CCSER1: variants seen among roughly 807,000 people sequenced by gnomAD.
CCSER1 encodes coiled-coil serine rich protein 1, also known as serine-rich coiled-coil domain-containing protein 1.
Under a neutral mutation model 82.0 loss-of-function variants are expected in CCSER1, and 41 were observed. That is an observed-to-expected ratio of 0.50 (90% CI 0.39 to 0.65). The LOEUF (loss-of-function observed/expected upper bound fraction) is 0.65, where lower values mean the gene tolerates loss of function less well. Ranked by LOEUF, CCSER1 falls within the 30% of genes least tolerant of loss-of-function variation. The probability of loss-of-function intolerance (pLI) is 0.00; values close to 1 mark genes in which losing one functional copy is unlikely to be tolerated. For missense variants in CCSER1, 1,119 were observed against 1,064.2 expected (o/e 1.05, Z -0.72); for synonymous variants, 414 against 383.9 (o/e 1.08, Z -0.92).
At chr4:91,576,901 T>C (rs1763478021) in intron 10 of CCSER1, among the ~76,000 whole-genome samples, 1 of 151,970 alleles carries the variant, frequency 6.6e-6, no homozygotes, top group Admixed American at 6.6e-5. Flanking sequence ...AGGTGATGGA[T>C]ATAATCATTG....
intron 5 of CCSER1, among the ~76,000 whole-genome samples, chr4:90,470,496 G>A (rs950606599): frequency 6.6e-6 from 1 of 151,732 alleles, no homozygotes; most frequent in African/African-American, 2.4e-5. Flanking sequence ...AAAGAATCAA[G>A]AGTGCTGGTG....
chr4:91,454,349 C>T (rs1415999517), intron 10 of CCSER1, among the ~76,000 whole-genome samples: 1 of 151,988 alleles, frequency 6.6e-6, no homozygotes, highest in Admixed American at 6.6e-5. Context: ...CTCGTGACCC[C>T]TTCCCCCATC....
chr4:90,564,342 A>G (rs1779128875), intron 5 of CCSER1, among the ~76,000 whole-genome samples: 1 of 152,136 alleles, frequency 6.6e-6, no homozygotes, highest in Non-Finnish European at 1.5e-5. Flanking sequence ...GGCATGAGCC[A>G]CCACACCCAG....
At chr4:91,322,111 A>G (rs1231207622) in intron 10 of CCSER1, among the ~76,000 whole-genome samples, 2 of 152,136 alleles carry the variant, frequency 1.3e-5, no homozygotes, top group Admixed American at 6.6e-5. Context: ...TATAGGAAAA[A>G]CAATGCTTTC....
intron 10 of CCSER1, among the ~76,000 whole-genome samples, chr4:91,343,046 T>A (rs1344374797): frequency 3.3e-5 from 5 of 152,098 alleles, no homozygotes; most frequent in African/African-American, 1.2e-4. Context: ...TTGAAGTGGT[T>A]GAAATCTGTG....
chr4:91,238,825 A>G (rs1012130058), intron 10 of CCSER1, among the ~76,000 whole-genome samples: 3 of 142,732 alleles, frequency 2.1e-5, no homozygotes, highest in African/African-American at 7.5e-5. Flanking sequence ...TACTATTTTA[A>G]GCATTTTTTT....
chr4:90,736,982 G>A (rs1342059623), intron 7 of CCSER1, among the ~76,000 whole-genome samples: 1 of 151,980 alleles, frequency 6.6e-6, no homozygotes, highest in African/African-American at 2.4e-5. Context: ...AACAAGTACA[G>A]AGAAAACTAT....
chr4:90,297,022 C>A (rs1175120697), intron 1 of CCSER1, among the ~76,000 whole-genome samples: 1 of 152,080 alleles, frequency 6.6e-6, no homozygotes, highest in African/African-American at 2.4e-5. Flanking sequence ...TTTTCCAATT[C>A]TGTGAAGAAA....
chr4:91,461,725 G>C (rs1756512104), intron 10 of CCSER1, among the ~76,000 whole-genome samples: 1 of 152,138 alleles, frequency 6.6e-6, no homozygotes. Flanking sequence ...AGAGATTTTA[G>C]TTTGTTTATT....
At chr4:90,635,798 A>G (rs186268016) in intron 6 of CCSER1, among the ~76,000 whole-genome samples, 3 of 151,836 alleles carry the variant, frequency 2.0e-5, no homozygotes, top group African/African-American at 7.2e-5. Flanking sequence ...GAAAAGATAC[A>G]TGTTTGAGGT....
chr4:90,894,578 C>G (rs960213246), intron 8 of CCSER1, among the ~76,000 whole-genome samples: 2 of 152,006 alleles, frequency 1.3e-5, no homozygotes, highest in African/African-American at 2.4e-5. Flanking sequence ...TATCCTCTCT[C>G]TACTCTGCCT....
At chr4:90,133,700 T>C (rs1179052746) in intron 1 of CCSER1, among the ~76,000 whole-genome samples, 1 of 152,180 alleles carries the variant, frequency 6.6e-6, no homozygotes, top group African/African-American at 2.4e-5. Flanking sequence ...GGGATACCTT[T>C]CTTGGCCTTG....
chr4:91,079,499 G>T (rs977643721), intron 9 of CCSER1, among the ~76,000 whole-genome samples: 1 of 152,166 alleles, frequency 6.6e-6, no homozygotes, highest in Non-Finnish European at 1.5e-5. Flanking sequence ...ATACTAGGAA[G>T]AAGTTGCATC....
chr4:91,054,612 G>A (rs1173531141), intron 9 of CCSER1, among the ~76,000 whole-genome samples: 1 of 151,670 alleles, frequency 6.6e-6, no homozygotes, highest in African/African-American at 2.4e-5. Context: ...TTGTGTTTTG[G>A]GATCTAAAGT....
At chr4:90,838,039 A>G (rs1762027837) in intron 8 of CCSER1, among the ~76,000 whole-genome samples, 1 of 152,054 alleles carries the variant, frequency 6.6e-6, no homozygotes, top group African/African-American at 2.4e-5. Flanking sequence ...TTTATTGTTT[A>G]TTTTGATTAA....
chr4:90,743,587 G>C (rs1746915803), intron 7 of CCSER1, among the ~76,000 whole-genome samples: 1 of 152,122 alleles, frequency 6.6e-6, no homozygotes, highest in African/African-American at 2.4e-5. Flanking sequence ...TTCTTATTAA[G>C]AATAAAGGTT....
chr4:90,280,674 A>G (rs775535441), intron 1 of CCSER1, among the ~76,000 whole-genome samples: 21 of 152,034 alleles, frequency 1.4e-4, no homozygotes, highest in Non-Finnish European at 1.3e-4. Context: ...TTATACATGC[A>G]TATAAATTCT....
At position 90,957,532 on chromosome 4, in the gene CCSER1, A is replaced by ATATAATTATAT. The variant is rs1561417810; in HGVS notation, c.2172+34089_2172+34090insATTATATTATA. On this transcript the variant is annotated intron_variant, in intron 9 of 10. Coordinates refer to ENST00000509176, the MANE Select transcript of CCSER1 (RefSeq NM_001145065.2). Reference sequence around the variant, plus strand: ...ATAATATAACATAATATCATATATTATATATATTATATAATTATATTATAT... The same window carrying ATATAATTATAT: ...ATAATATAACATAATATCATATATTATATAATTATATTATATATTATATAATTATATTATAT... 3.1e-4 allele frequency among the ~76,000 whole-genome samples: 38 copies of ATATAATTATAT among 121,266 alleles called. 1 individual carries two copies. The highest frequency in any genetic ancestry group is 2.1e-3 in the Admixed American group (22 of 10,352). 79.6% of individuals were successfully genotyped at this position (121,266 alleles called of 152,430 possible). A position where few individuals can be genotyped will look rare whatever the true frequency, so the allele number is the denominator to read the frequency against.
chr4:90,953,852 A>G (rs1719407830), intron 9 of CCSER1, among the ~76,000 whole-genome samples: 1 of 151,924 alleles, frequency 6.6e-6, no homozygotes, highest in Non-Finnish European at 1.5e-5. Context: ...ATTTTTTAAA[A>G]TCCCTTATCA....
Sources: allele counts gnomAD v4.1 joint callset (sites outside exome capture counted in the v4.1 genomes callset), GRCh38; gene constraint gnomAD v4.1.1; transcripts MANE v1.5; gene names NCBI Gene and HGNC (gene_info 2026-07-23, HGNC 2026-07-21).